The following WNT7B variants were observed in gnomAD, a reference collection of about 807,000 sequenced individuals.
WNT7B encodes the protein protein Wnt-7b.
Under a neutral mutation model 38.2 loss-of-function variants are expected in WNT7B, and 19 were observed. The observed-to-expected ratio is 0.50, with a 90% confidence interval of 0.35 to 0.73. WNT7B has a LOEUF of 0.73. Among genes scored for constraint, WNT7B ranks in the 30% least tolerant of loss-of-function variants. WNT7B has a pLI of 0.01. For synonymous variants in WNT7B, 243 were observed against 209.3 expected, an observed-to-expected ratio of 1.16 and a Z score of -1.39; for missense variants, 423 against 507.9, an observed-to-expected ratio of 0.83 and a Z score of 1.61.
intron 3 of WNT7B, among the ~76,000 whole-genome samples, chr22:45,928,887 C>A (rs1931190153): frequency 6.6e-6 from 1 of 152,102 alleles, no homozygotes; most frequent in African/African-American, 2.4e-5. Flanking sequence ...GACCTTGGTT[C>A]CCCATGCCTT....
At chr22:45,973,938 G>C (rs997834788) in intron 1 of WNT7B, among the ~76,000 whole-genome samples, 1 of 152,036 alleles carries the variant, frequency 6.6e-6, no homozygotes, top group Non-Finnish European at 1.5e-5. Flanking sequence ...AAGTGATCAC[G>C]TAATACCCCA....
At chr22:45,970,736 C>T (rs1932416072) in intron 1 of WNT7B, among the ~76,000 whole-genome samples, 1 of 152,094 alleles carries the variant, frequency 6.6e-6, no homozygotes, top group Non-Finnish European at 1.5e-5. Context: ...CCTCCAACCG[C>T]TAGACGCTGA....
At chr22:45,972,314 G>A in intron 1 of WNT7B, 2 of 495,986 alleles carry the variant, frequency 4.0e-6, no homozygotes, top group Non-Finnish European at 3.6e-6. Flanking sequence ...CGGGGTCCCC[G>A]CGGAGCTCCC....
intron 1 of WNT7B, among the ~76,000 whole-genome samples, chr22:45,968,688 G>C (rs1268268874): frequency 1.3e-5 from 2 of 152,162 alleles, no homozygotes; most frequent in East Asian, 3.9e-4. Context: ...CGTCCACCTG[G>C]TGATGAGTTC....
chr22:45,940,197 A>C (rs1025153464), intron 2 of WNT7B, among the ~76,000 whole-genome samples: 38 of 152,100 alleles, frequency 2.5e-4, no homozygotes, highest in Non-Finnish European at 5.9e-5. Context: ...CCCGTGTCCT[A>C]CTCAATTTAA....
intron 2 of WNT7B, among the ~76,000 whole-genome samples, chr22:45,943,306 A>G (rs891486449): frequency 6.6e-6 from 1 of 152,218 alleles, no homozygotes; most frequent in Admixed American, 6.5e-5. Flanking sequence ...TCATAAACAG[A>G]TCATTGGAAA....
At position 45,942,902 on chromosome 22, in the gene WNT7B, C is replaced by T. The variant is rs536194659; in HGVS notation, c.298+7018G>A. On this transcript the variant is annotated intron_variant, in intron 2 of 3. Transcript: ENST00000339464. Reference sequence around the variant, plus strand: ...GTGCATGTATGTGCGTGTGTGTGCGCGCGTGTGTGCAGTGTGCACGTGTGT... The same window carrying T: ...GTGCATGTATGTGCGTGTGTGTGCGTGCGTGTGTGCAGTGTGCACGTGTGT... 1.1e-3 allele frequency among the ~76,000 whole-genome samples: 160 copies of T among 150,326 alleles called. 2 individuals are homozygous for T. Among genetic ancestry groups the T allele is most frequent in the African/African-American group, 3.5e-3 (143 of 40,726 alleles).
At chr22:45,949,614 G>A (rs1006751195) in intron 2 of WNT7B, among the ~76,000 whole-genome samples, 1 of 152,200 alleles carries the variant, frequency 6.6e-6, no homozygotes, top group Non-Finnish European at 1.5e-5. Flanking sequence ...GGCACCGCTA[G>A]CACCACCGCG....
chr22:45,946,458 ATGCTCACGC>A (rs775741297), intron 2 of WNT7B, among the ~76,000 whole-genome samples: 30 of 152,174 alleles, frequency 2.0e-4, no homozygotes, highest in Non-Finnish European at 3.8e-4. Context: ...GGTTCTCCTG[ATGCTCACGC>A]TGCCCCTTCG....
At chr22:45,957,940 C>A (rs1167810605) in intron 1 of WNT7B, among the ~76,000 whole-genome samples, 1 of 152,210 alleles carries the variant, frequency 6.6e-6, no homozygotes, top group Non-Finnish European at 1.5e-5. Flanking sequence ...CCCCACCAGG[C>A]CCTCAGCCTC....
chr22:45,929,595 T>C (rs113368399), intron 3 of WNT7B, among the ~76,000 whole-genome samples: 3 of 135,742 alleles, frequency 2.2e-5, no homozygotes, highest in Non-Finnish European at 4.9e-5. Flanking sequence ...CATCCATTCA[T>C]GCATCCATCC....
intron 3 of WNT7B, chr22:45,925,198 C>A: frequency 2.0e-6 from 2 of 982,434 alleles, no homozygotes; most frequent in Non-Finnish European, 2.4e-6. Context: ...CCTAGGCTAG[C>A]AGGTGGGTGC....
intron 1 of WNT7B, among the ~76,000 whole-genome samples, chr22:45,973,441 A>G (rs1326284050): frequency 5.3e-5 from 8 of 152,178 alleles, no homozygotes; most frequent in African/African-American, 1.9e-4. Flanking sequence ...CCTGGTGTGG[A>G]GGCTCATCAT....
chr22:45,937,807 C>T (rs922881973), intron 2 of WNT7B, among the ~76,000 whole-genome samples: 1 of 152,166 alleles, frequency 6.6e-6, no homozygotes, highest in African/African-American at 2.4e-5. Context: ...GTCAGGAGTT[C>T]GAGCCCAGCC....
chr22:45,971,882 G>A (rs1396496865), intron 1 of WNT7B, among the ~76,000 whole-genome samples: 1 of 152,204 alleles, frequency 6.6e-6, no homozygotes, highest in Non-Finnish European at 1.5e-5. Context: ...GGCGTGCACA[G>A]CCTGCTCTAC....
intron 1 of WNT7B, among the ~76,000 whole-genome samples, chr22:45,967,158 G>A (rs1046909328): frequency 9.2e-5 from 14 of 152,204 alleles, no homozygotes; most frequent in African/African-American, 2.4e-4. Flanking sequence ...CCAGCCCTGC[G>A]CCAGGGACGG....
At position 45,959,768 on chromosome 22, in the gene WNT7B, T is replaced by A. The variant is rs370884624; in HGVS notation, c.72-9622A>T. On this transcript the variant is annotated intron_variant, in intron 1 of 3. Transcript: ENST00000339464. Reference sequence around the variant, plus strand: ...GCACCCAAGCAGCCCTAGTGCTGCCTACCCCACCCAGTTCAGGGTGGAAGT... The same window carrying A: ...GCACCCAAGCAGCCCTAGTGCTGCCAACCCCACCCAGTTCAGGGTGGAAGT... 2.2e-4 allele frequency among the ~76,000 whole-genome samples: 33 copies of A among 152,142 alleles called. 1 individual carries two copies. The East Asian group carries it at 4.1e-3, about 19-fold the overall frequency.
At chr22:45,927,441 G>C in intron 3 of WNT7B, 1 of 1,547,168 alleles carries the variant, frequency 6.5e-7, no homozygotes. Context: ...CCAGCTAGGG[G>C]AACGGCATAG....
At chr22:45,959,713 G>A (rs990514950) in intron 1 of WNT7B, among the ~76,000 whole-genome samples, 28 of 152,050 alleles carry the variant, frequency 1.8e-4, no homozygotes, top group Non-Finnish European at 2.4e-4. Context: ...CTCCCGCCTC[G>A]CTCTGGACTG....
Sources: gnomAD v4.1 joint callset for allele counts (sites outside exome capture counted in the v4.1 genomes callset) on GRCh38, gnomAD v4.1.1 for gene constraint, MANE v1.5 for transcripts, NCBI Gene and HGNC (gene_info 2026-07-23, HGNC 2026-07-21) for gene names.